HM13: variants seen among roughly 807,000 people sequenced by gnomAD.
The protein encoded by HM13 is signal peptide peptidase.
A neutral mutation model predicts 50.0 loss-of-function variants in HM13; 18 were observed. The ratio of observed to expected loss-of-function variants is 0.36; its 90% CI spans 0.25 to 0.53. HM13 has a LOEUF of 0.53. Among genes scored for constraint, HM13 ranks in the 20% least tolerant of loss-of-function variants. The pLI is 0.90. For missense variants in HM13, 393 were observed against 552.4 expected, an observed-to-expected ratio of 0.71 and a Z score of 2.89; for synonymous variants, 197 against 232.6, an observed-to-expected ratio of 0.85 and a Z score of 1.39.
chr20:31,563,334 C>T (rs1020266635), intron 10 of HM13: 5 of 152,224 alleles, frequency 3.3e-5, no homozygotes, highest in Admixed American at 6.5e-5. Context: ...ACAGGTAGTC[C>T]CAGTGCTAGC....
rs1439400649 is a variant in HM13 at position 31,549,216 on chromosome 20, G to A, written c.550G>A (p.Ala184Thr). Residue 184 changes from alanine to threonine, a missense_variant, in exon 6 of 13, where the codon GCC becomes ACC. Physicochemically the swap from Ala to Thr is moderately conservative, Grantham distance 58. This residue lies in a region of HM13 where 214 missense variants were observed against 276.1 expected (regional missense o/e 0.77). Coordinates refer to ENST00000398174, the MANE Select transcript of HM13 (RefSeq NM_178581.3). ...TCCCCGCTTTCCTCAGCACTGGATT[G>A]CCAACAACCTTTTTGGCCTGGCCTT... ...VWYLLRKHWI[A>T]NNLFGLAFSL... 6.2e-7 allele frequency: 1 copy of A among 1,614,086 alleles called. No individual in the cohort carries two copies. The highest frequency in any genetic ancestry group is 1.3e-5 in the African/African-American group (1 of 74,938).
At chr20:31,538,611 C>A in intron 3 of HM13, 1 of 1,236,870 alleles carries the variant, frequency 8.1e-7, no homozygotes, top group Non-Finnish European at 1.0e-6. Flanking sequence ...TGCTAAGTGC[C>A]ATGTTGGGCT....
At chr20:31,521,442 C>T (rs1027148624) in intron 1 of HM13, among the ~76,000 whole-genome samples, 1 of 152,118 alleles carries the variant, frequency 6.6e-6, no homozygotes, top group Non-Finnish European at 1.5e-5. Context: ...AAAGTACCTG[C>T]TGGCCAGGCG....
rs558866584 is a variant in HM13 at position 31,514,995 on chromosome 20, C to T, written c.183+261C>T. Among the ~76,000 whole-genome samples the T allele has an allele frequency of 2.6e-5, 4 of 152,326 alleles. No homozygotes were observed. The highest frequency in any genetic ancestry group is 7.2e-5 in the African/African-American group (3 of 41,570). The stretch of plus-strand genomic sequence containing the variant: ...TCCCGACCCGGACCCTGACACTTCC[C>T]TCCCTGTGCATCATGCCGCGGCTGG... On this transcript the variant is annotated intron_variant, in intron 1 of 12. Transcript: ENST00000398174. This position sits in a 1 kb window ranked among gnomAD's most constrained non-coding sequence, Gnocchi z 4.3.
intron 1 of HM13, among the ~76,000 whole-genome samples, chr20:31,523,704 T>C (rs1982317807): frequency 6.6e-6 from 1 of 152,166 alleles, no homozygotes; most frequent in Admixed American, 6.5e-5. Context: ...AGGAAATGTA[T>C]TGAATGTGTG....
chr20:31,561,202 A>T (rs1984587830), intron 9 of HM13, among the ~76,000 whole-genome samples: 1 of 152,106 alleles, frequency 6.6e-6, no homozygotes, highest in Non-Finnish European at 1.5e-5. Flanking sequence ...ACGGTATGAG[A>T]TTCACCTCAG....
intron 3 of HM13, among the ~76,000 whole-genome samples, chr20:31,544,237 G>A (rs185377347): frequency 5.7e-4 from 87 of 152,370 alleles, no homozygotes; most frequent in Middle Eastern, 6.8e-3. Flanking sequence ...GCTGGGTCAA[G>A]AGGCCTTGGT....
At chr20:31,554,543 G>A in intron 7 of HM13, 2 of 515,916 alleles carry the variant, frequency 3.9e-6, no homozygotes, top group East Asian at 3.5e-5. Flanking sequence ...TTAGCTGGGT[G>A]CGGTGGTGGG....
intron 2 of HM13, chr20:31,535,527 G>T (rs1254552764): frequency 6.6e-6 from 1 of 152,214 alleles, no homozygotes; most frequent in Non-Finnish European, 1.5e-5. Context: ...AAGCTCAGAG[G>T]TGTGGCCTGA....
chr20:31,560,053 C>T (rs1984521874), intron 9 of HM13, among the ~76,000 whole-genome samples: 1 of 152,226 alleles, frequency 6.6e-6, no homozygotes, highest in Non-Finnish European at 1.5e-5. Context: ...TTGCAGTCAT[C>T]ATCATCATCT....
intron 1 of HM13, among the ~76,000 whole-genome samples, chr20:31,524,413 A>T (rs1982360676): frequency 6.6e-6 from 1 of 152,184 alleles, no homozygotes; most frequent in Admixed American, 6.5e-5. Context: ...CTATATCTGT[A>T]GGGAGAATTC....
At chr20:31,522,779 C>T (rs891897673) in intron 1 of HM13, among the ~76,000 whole-genome samples, 1 of 151,946 alleles carries the variant, frequency 6.6e-6, no homozygotes, top group Non-Finnish European at 1.5e-5. Context: ...AATGATGACT[C>T]GAGATACAAT....
At chr20:31,560,294 C>T (rs1020937136) in intron 9 of HM13, among the ~76,000 whole-genome samples, 1 of 152,170 alleles carries the variant, frequency 6.6e-6, no homozygotes, top group Non-Finnish European at 1.5e-5. Context: ...CATTTTATGC[C>T]CCGTCATCCC....
intron 8 of HM13, among the ~76,000 whole-genome samples, chr20:31,555,540 A>G (rs1017462713): frequency 2.0e-4 from 31 of 152,144 alleles, no homozygotes; most frequent in African/African-American, 6.8e-4. Flanking sequence ...GAAAGAGACT[A>G]AGGGCAAAGC....
chr20:31,525,932 C>T (rs1472156771), intron 1 of HM13, among the ~76,000 whole-genome samples: 1 of 151,984 alleles, frequency 6.6e-6, no homozygotes, highest in Admixed American at 6.6e-5. Flanking sequence ...TTGAGACCAG[C>T]CTGGCCGACA....
intron 1 of HM13, among the ~76,000 whole-genome samples, chr20:31,518,909 G>A (rs57756462): frequency 5.5e-4 from 83 of 152,088 alleles, no homozygotes; most frequent in African/African-American, 2.0e-3. Flanking sequence ...TTATGGTGGG[G>A]AGGGTAGGTA....
chr20:31,568,972 T>G, intron 12 of HM13, 148 bp from the exon 13 acceptor site: 1 of 560,366 alleles, frequency 1.8e-6, no homozygotes, highest in East Asian at 2.9e-5. Context: ...CCAGGCGCTG[T>G]TAGGTGCTGG....
intron 4 of HM13, chr20:31,547,708 T>C (rs531128045): frequency 3.1e-5 from 41 of 1,313,216 alleles, no homozygotes; most frequent in Admixed American, 8.7e-5. Context: ...TGGGGAATTA[T>C]TGTTTTTTAG....
chr20:31,536,673 C>G (rs1983127221), intron 2 of HM13, among the ~76,000 whole-genome samples: 1 of 152,170 alleles, frequency 6.6e-6, no homozygotes, highest in African/African-American at 2.4e-5. Flanking sequence ...CCCATGCTCC[C>G]TTAGCTCTGG....
Sources: allele counts gnomAD v4.1 joint callset (sites outside exome capture counted in the v4.1 genomes callset), GRCh38; gene constraint gnomAD v4.1.1; regional missense constraint gnomAD v4.1.1; non-coding constraint Gnocchi (gnomAD v3.1); transcripts MANE v1.5; gene names NCBI Gene and HGNC (gene_info 2026-07-23, HGNC 2026-07-21).